The following TAFA2 variants were observed in gnomAD, a reference collection of about 807,000 sequenced individuals.
TAFA2 encodes chemokine-like protein TAFA-2.
A neutral mutation model predicts 18.8 loss-of-function variants in TAFA2; 7 were observed. That is an observed-to-expected ratio of 0.37 (90% CI 0.21 to 0.70). The LOEUF is 0.70. Ranked by LOEUF, TAFA2 falls within the 30% of genes least tolerant of loss-of-function variation. The pLI, the probability that TAFA2 is intolerant of heterozygous loss-of-function variation, is 0.53. For synonymous variants in TAFA2, 60 were observed against 54.2 expected (o/e 1.11, Z -0.47); for missense variants, 122 against 158.1 (o/e 0.77, Z 1.23).
At chr12:61,943,701 C>T (rs554484413) in intron 1 of TAFA2, among the ~76,000 whole-genome samples, 1 of 151,842 alleles carries the variant, frequency 6.6e-6, no homozygotes, top group Non-Finnish European at 1.5e-5. Context: ...TCAGAAGAGA[C>T]AAAGAAGGCC....
chr12:61,779,654 T>G (rs1870419951), intron 2 of TAFA2, among the ~76,000 whole-genome samples: 1 of 151,834 alleles, frequency 6.6e-6, no homozygotes, highest in East Asian at 1.9e-4. Flanking sequence ...GGATAAATCA[T>G]AGAAAAGACT....
At chr12:62,062,047 G>A (rs898654050) in intron 1 of TAFA2, among the ~76,000 whole-genome samples, 3 of 152,074 alleles carry the variant, frequency 2.0e-5, no homozygotes, top group Non-Finnish European at 4.4e-5. Context: ...AATGGTGCAC[G>A]CCTGTAGAAC....
At chr12:61,881,178 C>G (rs895026862) in intron 1 of TAFA2, among the ~76,000 whole-genome samples, 1 of 152,216 alleles carries the variant, frequency 6.6e-6, no homozygotes, top group East Asian at 1.9e-4. Flanking sequence ...AGGAATTACA[C>G]ATGGCTAGAA....
chr12:61,759,345 T>C (rs1291689776), intron 2 of TAFA2, among the ~76,000 whole-genome samples: 1 of 151,952 alleles, frequency 6.6e-6, no homozygotes. Context: ...TCTAGTGAAA[T>C]GAAAGTTAAA....
chr12:61,713,833 C>T (rs750249483), intron 4 of TAFA2, among the ~76,000 whole-genome samples: 36 of 151,946 alleles, frequency 2.4e-4, no homozygotes, highest in Non-Finnish European at 4.4e-5. Flanking sequence ...GTCATTTTAC[C>T]TTTTGTAGAC....
At chr12:62,110,441 T>G (rs1869671017) in intron 1 of TAFA2, among the ~76,000 whole-genome samples, 1 of 152,072 alleles carries the variant, frequency 6.6e-6, no homozygotes, top group African/African-American at 2.4e-5. Context: ...GGAATTTTCT[T>G]TTTTTCTTGG....
chr12:61,815,661 TAA>T (rs1338864157), intron 2 of TAFA2, among the ~76,000 whole-genome samples: 15 of 128,836 alleles, frequency 1.2e-4, no homozygotes, highest in Admixed American at 2.3e-4. Context: ...AGACTCCGTC[TAA>T]AAAAAAAAAA....
chr12:62,075,354 G>T (rs1004620907), intron 1 of TAFA2, among the ~76,000 whole-genome samples: 1 of 152,154 alleles, frequency 6.6e-6, no homozygotes, highest in Non-Finnish European at 1.5e-5. Context: ...CAGATGCTAA[G>T]CTAGAGGGCA....
intron 1 of TAFA2, among the ~76,000 whole-genome samples, chr12:61,951,583 A>T (rs1324337132): frequency 1.3e-5 from 2 of 152,102 alleles, no homozygotes; most frequent in Non-Finnish European, 2.9e-5. Context: ...AGCCTTGGCA[A>T]CTCTATGTCT....
At chr12:62,128,750 CATT>C (rs1429056967) in intron 1 of TAFA2, among the ~76,000 whole-genome samples, 2 of 151,986 alleles carry the variant, frequency 1.3e-5, no homozygotes, top group Non-Finnish European at 2.9e-5. Context: ...AAAAAGGAAT[CATT>C]GTTGCATAAA....
At chr12:62,114,430 C>T (rs758825507) in intron 1 of TAFA2, among the ~76,000 whole-genome samples, 12 of 152,180 alleles carry the variant, frequency 7.9e-5, no homozygotes, top group Non-Finnish European at 1.3e-4. Flanking sequence ...GGAGCTGTTC[C>T]TATTCGGCCA....
chr12:62,255,740 G>C (rs1387867993), intron 1 of TAFA2, among the ~76,000 whole-genome samples: 1 of 151,918 alleles, frequency 6.6e-6, no homozygotes, highest in Non-Finnish European at 1.5e-5. Context: ...TGTAATCCCA[G>C]CTACTCAGGA....
At chr12:62,254,031 G>C (rs114555552) in intron 1 of TAFA2, among the ~76,000 whole-genome samples, 1 of 152,208 alleles carries the variant, frequency 6.6e-6, no homozygotes, top group East Asian at 1.9e-4. Context: ...ACAAAAGACT[G>C]AGTAAAGCTA....
chr12:62,224,535 G>A (rs958652272), intron 1 of TAFA2, among the ~76,000 whole-genome samples: 5 of 151,936 alleles, frequency 3.3e-5, no homozygotes, highest in East Asian at 1.9e-4. Flanking sequence ...ACTCTCATTC[G>A]GGAGGTAATT....
chr12:61,738,290 AACACACACACACAC>A lies in TAFA2; in HGVS notation c.384+15318_384+15331del, dbSNP rs369001355. 1.1e-4 allele frequency among the ~76,000 whole-genome samples: 14 copies of A among 124,620 alleles called. No homozygotes were observed. The South Asian group carries it at 2.0e-3, about 18-fold the overall frequency. The allele number at this position is 124,620 out of a possible 152,430, so 81.8% of individuals were successfully genotyped here. A position where few individuals can be genotyped will look rare whatever the true frequency, so the allele number is the denominator to read the frequency against. On this transcript the variant is annotated intron_variant, in intron 4 of 4. Transcript: ENST00000416284. ...TACAAAAACTTAAAATGAAAATGAA[AACACACACACACAC>A]ACACACACACACACACACACACACA...
intron 1 of TAFA2, among the ~76,000 whole-genome samples, chr12:62,041,244 A>G (rs757625831): frequency 5.3e-5 from 8 of 152,210 alleles, no homozygotes; most frequent in Non-Finnish European, 1.0e-4. Context: ...TCGGTCAGAA[A>G]ACACAGAAAT....
chr12:61,890,593 T>C (rs910775877), intron 1 of TAFA2, among the ~76,000 whole-genome samples: 3 of 152,208 alleles, frequency 2.0e-5, no homozygotes, highest in African/African-American at 7.2e-5. Flanking sequence ...AGGGAGGTCT[T>C]AATAGTAGAA....
At chr12:61,761,651 T>A (rs752509462) in intron 2 of TAFA2, among the ~76,000 whole-genome samples, 14 of 151,998 alleles carry the variant, frequency 9.2e-5, no homozygotes, top group Admixed American at 2.0e-4. Flanking sequence ...AAACTATACC[T>A]CCAATTTGCA....
intron 1 of TAFA2, among the ~76,000 whole-genome samples, chr12:62,083,556 A>G (rs557179659): frequency 1.3e-5 from 2 of 152,294 alleles, no homozygotes; most frequent in East Asian, 1.9e-4. Context: ...GTTCTTATCA[A>G]TTTGAGCCTG....
Sources: gnomAD v4.1 joint callset for allele counts (sites outside exome capture counted in the v4.1 genomes callset) on GRCh38, gnomAD v4.1.1 for gene constraint, MANE v1.5 for transcripts, NCBI Gene and HGNC (gene_info 2026-07-23, HGNC 2026-07-21) for gene names.